EREG: variants seen among roughly 807,000 people sequenced by gnomAD.
EREG encodes the protein epiregulin.
EREG carries 23 observed loss-of-function variants against 22.4 expected under a neutral mutation model. The observed-to-expected ratio is 1.03, with a 90% CI of 0.74 to 1.46. EREG has a LOEUF of 1.46. Among genes scored for constraint, EREG ranks in the 40% most tolerant of loss-of-function variants. The pLI is 0.00. For synonymous variants in EREG, 100 were observed against 75.4 expected (o/e 1.33, Z -1.69); for missense variants, 226 against 205.9 (o/e 1.10, Z -0.60).
intron 1 of EREG, among the ~76,000 whole-genome samples, chr4:74,378,759 A>T (rs1160232548): frequency 6.6e-6 from 1 of 152,204 alleles, no homozygotes; most frequent in Non-Finnish European, 1.5e-5. Flanking sequence ...GTCATTCTTG[A>T]TATCTATGTT....
intron 4 of EREG, among the ~76,000 whole-genome samples, chr4:74,383,814 T>C (rs1450736174): frequency 2.6e-5 from 4 of 152,306 alleles, no homozygotes; most frequent in Admixed American, 1.3e-4. Flanking sequence ...TAAGTTGCCA[T>C]GACAGAACTA....
At chr4:74,372,376 C>T (rs1388366005) in intron 1 of EREG, among the ~76,000 whole-genome samples, 1 of 152,154 alleles carries the variant, frequency 6.6e-6, no homozygotes, top group Admixed American at 6.5e-5. Flanking sequence ...AAAACTTTAT[C>T]CTTGCAGATT....
At chr4:74,380,166 A>G (rs1441876108) in intron 2 of EREG, among the ~76,000 whole-genome samples, 1 of 152,180 alleles carries the variant, frequency 6.6e-6, no homozygotes, top group Non-Finnish European at 1.5e-5. Flanking sequence ...TTGAGGAAGC[A>G]GGATATTTTC....
Position 74,365,302 on chromosome 4 carries a change from A to G in EREG, c.-7A>G, listed in dbSNP as rs1273563125. On this transcript the variant is annotated 5_prime_UTR_variant, in exon 1 of 5. Coordinates refer to ENST00000244869, the MANE Select transcript of EREG (RefSeq NM_001432.3). ...CCGCCAAGCCCCAGCGCCCGCTCCC[A>G]TCGCCGATGACCGCGGGGAGGAGGA... is the stretch of plus-strand genomic sequence containing the variant. 3 of 1,602,636 alleles carry G rather than the reference A, an allele frequency of 1.9e-6. No individual in the cohort carries two copies. The highest frequency in any genetic ancestry group is 1.1e-5 in the South Asian group (1 of 90,984).
At chr4:74,372,657 A>G (rs553955705) in intron 1 of EREG, among the ~76,000 whole-genome samples, 10 of 152,152 alleles carry the variant, frequency 6.6e-5, no homozygotes, top group Non-Finnish European at 1.2e-4. Flanking sequence ...CTTATGTAAG[A>G]TTGTCTTGAG....
At chr4:74,381,254 A>G (rs1752469676) in intron 3 of EREG, 117 bp downstream of exon 3, 6 of 844,930 alleles carry the variant, frequency 7.1e-6, no homozygotes, top group Non-Finnish European at 9.2e-6. Flanking sequence ...GAGCTTTTAG[A>G]GTACCTACCC....
At chr4:74,374,581 C>T (rs1180034941) in intron 1 of EREG, among the ~76,000 whole-genome samples, 1 of 152,092 alleles carries the variant, frequency 6.6e-6, no homozygotes, top group African/African-American at 2.4e-5. Flanking sequence ...CAAAATAAAC[C>T]GTATGCAATA....
rs1752497349 is a variant in EREG at position 74,382,632 on chromosome 4, T to C, written c.279-13T>C. 6.4e-7 allele frequency: 1 copy of C among 1,564,726 alleles called. No individual in the cohort carries two copies. Among genetic ancestry groups the C allele is most frequent in the African/African-American group, 1.4e-5 (1 of 72,618 alleles). On this transcript the variant is annotated splice_polypyrimidine_tract_variant and intron_variant, in intron 3 of 4. Coordinates refer to ENST00000244869, the MANE Select transcript of EREG (RefSeq NM_001432.3). ...AAGTAACTGATCTTTCTTTCTTCCG[T>C]ATTTTCCTTCAGGTGTGAAGTGGGT...
intron 1 of EREG, among the ~76,000 whole-genome samples, chr4:74,370,258 G>A (rs918948116): frequency 1.3e-5 from 2 of 152,112 alleles, no homozygotes; most frequent in African/African-American, 4.8e-5. Context: ...CACTGTAAGT[G>A]TGTGTATAAC....
intron 1 of EREG, among the ~76,000 whole-genome samples, chr4:74,376,407 A>C (rs1222832635): frequency 6.6e-6 from 1 of 152,164 alleles, no homozygotes; most frequent in Non-Finnish European, 1.5e-5. Flanking sequence ...TGCAACTAAA[A>C]CTCCAATTTG....
In EREG at chr4:74,375,669, T is replaced by A. The variant is rs571751038; in HGVS notation, c.68-3779T>A. On this transcript the variant is annotated intron_variant, in intron 1 of 4. Coordinates refer to ENST00000244869, the MANE Select transcript of EREG (RefSeq NM_001432.3). ...AAGGTTAACAGGATAGTGGATGTAA[T>A]ATTTCTCTGGAGATAGATTTTTTAT... Among the ~76,000 whole-genome samples the A allele has an allele frequency of 2.0e-5, 3 of 152,188 alleles. No homozygotes were observed. In the East Asian group the frequency reaches 5.8e-4, roughly 29 times the overall value.
chr4:74,371,772 C>T (rs1270706450), intron 1 of EREG, among the ~76,000 whole-genome samples: 1 of 152,046 alleles, frequency 6.6e-6, no homozygotes, highest in East Asian at 1.9e-4. Flanking sequence ...AATATGTTCA[C>T]TCCCTTCATG....
intron 4 of EREG, 90 bp from the exon 5 acceptor site, chr4:74,384,637 T>C (rs898901501): frequency 4.4e-6 from 3 of 679,630 alleles, no homozygotes; most frequent in South Asian, 2.1e-5. Flanking sequence ...GGAAACACTA[T>C]GCTAATGTGC....
Position 74,365,320 on chromosome 4 carries a change from G to C in EREG, c.12G>C (p.Gly4=). The part of the protein sequence containing the change: MTA[G]RRMEMLCAGR... ...CGCTCCCATCGCCGATGACCGCGGGGAGGAGGATGGAGATGCTCTGTGCCG... is the reference window on the plus strand; with the variant it reads ...CGCTCCCATCGCCGATGACCGCGGGCAGGAGGATGGAGATGCTCTGTGCCG... Residue 4 remains glycine (G), a synonymous_variant, in exon 1 of 5, where the codon GGG becomes GGC. Transcript: ENST00000244869. 1 of 1,606,400 alleles carries C rather than the reference G, an allele frequency of 6.2e-7. No homozygotes were observed. The highest frequency in any genetic ancestry group is 2.2e-5 in the East Asian group (1 of 44,856).
chr4:74,373,490 C>A (rs578197294), intron 1 of EREG, among the ~76,000 whole-genome samples: 1 of 151,248 alleles, frequency 6.6e-6, no homozygotes. Context: ...TTGCTATAGA[C>A]CGTTTTTACC....
chr4:74,382,433 G>A (rs1445271557), intron 3 of EREG: 1 of 433,846 alleles, frequency 2.3e-6, no homozygotes, highest in Non-Finnish European at 4.1e-6. Context: ...GAACACAACC[G>A]TCATTTTAAT....
chr4:74,385,913 GA>G lies in EREG; in HGVS notation c.*1111del, dbSNP rs887753360. On this transcript the variant is annotated 3_prime_UTR_variant, in exon 5 of 5. Coordinates refer to ENST00000244869, the MANE Select transcript of EREG (RefSeq NM_001432.3). ...AGTTGTATCTTGACACAGGAAATGG[GA>G]AAAAACTTAAAAATTAATATGGTGT... 5.1e-6 allele frequency: 2 copies of G among 395,808 alleles called. No individual in the cohort carries two copies. The highest frequency in any genetic ancestry group is 8.9e-6 in the Non-Finnish European group (2 of 224,388). The allele number at this position is 395,808 out of a possible 1,614,324, so 24.5% of individuals were successfully genotyped here.
At chr4:74,368,913 A>T (rs1364160074) in intron 1 of EREG, among the ~76,000 whole-genome samples, 3 of 152,170 alleles carry the variant, frequency 2.0e-5, no homozygotes, top group Admixed American at 6.5e-5. Context: ...GGAACCTTTG[A>T]AAAAATGAAG....
At position 74,387,288 on chromosome 4, in the gene EREG, T is replaced by C. The variant is rs1477854337; in HGVS notation, c.*2480T>C. The C allele has an allele frequency of 1.3e-5, 2 of 151,912 alleles. No homozygotes were observed. The highest frequency in any genetic ancestry group is 1.9e-4 in the East Asian group (1 of 5,180). 9.4% of individuals were successfully genotyped at this position (151,912 alleles called of 1,614,324 possible). A position where few individuals can be genotyped will look rare whatever the true frequency, so the allele number is the denominator to read the frequency against. ...ACTGTATTTATTAACGCTTACTAGA[T>C]GTGAGGAGAGTCTGAATATTTTCAG... On this transcript the variant is annotated 3_prime_UTR_variant, in exon 5 of 5. Transcript: ENST00000244869.
Sources: allele counts gnomAD v4.1 joint callset (sites outside exome capture counted in the v4.1 genomes callset), GRCh38; gene constraint gnomAD v4.1.1; transcripts MANE v1.5; gene names NCBI Gene and HGNC (gene_info 2026-07-23, HGNC 2026-07-21).